The following TENM1 variants were observed in gnomAD, a reference collection of about 807,000 sequenced individuals.
TENM1 encodes teneurin-1.
A neutral mutation model predicts 174.8 loss-of-function variants in TENM1; 35 were observed. That is an observed-to-expected ratio of 0.20 (90% CI 0.15 to 0.27). The LOEUF is 0.27. Ranked by LOEUF, TENM1 falls within the 10% of genes least tolerant of loss-of-function variation. The pLI is 1.00. For synonymous variants in TENM1, 781 were observed against 798.7 expected, an observed-to-expected ratio of 0.98 and a Z score of 0.37; for missense variants, 1,633 against 2,130.1, an observed-to-expected ratio of 0.77 and a Z score of 4.59.
chrX:124,741,570 G>A (rs764460311), intron 3 of TENM1, among the ~76,000 whole-genome samples: 1 of 112,005 alleles, frequency 8.9e-6, no homozygotes, highest in South Asian at 3.7e-4. Flanking sequence ...TGACAGCATA[G>A]TTTGTCATAT....
At chrX:124,936,308 A>G (rs1454469423) in intron 1 of TENM1, among the ~76,000 whole-genome samples, 1 of 111,334 alleles carries the variant, frequency 9.0e-6, no homozygotes, top group Non-Finnish European at 1.9e-5. Context: ...TAGTCTTTGG[A>G]CATGCTGTTT....
intron 25 of TENM1, among the ~76,000 whole-genome samples, chrX:124,412,798 G>T (rs758036663): frequency 3.5e-5 from 4 of 112,766 alleles, no homozygotes; most frequent in Non-Finnish European, 7.5e-5. Flanking sequence ...GGGCAGATAA[G>T]ATATGCACAC....
intron 3 of TENM1, among the ~76,000 whole-genome samples, chrX:124,845,390 A>G (rs1219531995): frequency 9.0e-6 from 1 of 111,661 alleles, no homozygotes; most frequent in Non-Finnish European, 1.9e-5. Flanking sequence ...AAGGTCTCAG[A>G]TGATACAGAT....
chrX:124,421,275 TACA>T (rs1362310765), intron 24 of TENM1, among the ~76,000 whole-genome samples: 4 of 112,297 alleles, frequency 3.6e-5, no homozygotes, highest in African/African-American at 6.5e-5. Flanking sequence ...AGTCTATAAG[TACA>T]ACAATGATTC....
At chrX:124,496,168 T>C (rs7471645) in intron 20 of TENM1, among the ~76,000 whole-genome samples, 9,458 of 110,459 alleles carry the variant, frequency 0.086, 523 homozygotes, top group African/African-American at 0.21. Context: ...GCTAGCCATA[T>C]GTAGAAAGCT....
At chrX:124,477,696 G>A (rs1204946952) in intron 22 of TENM1, among the ~76,000 whole-genome samples, 2 of 104,238 alleles carry the variant, frequency 1.9e-5, no homozygotes, top group African/African-American at 3.5e-5. Context: ...AGGTTGCAGT[G>A]ACCCATGATC....
chrX:125,187,133 T>C, the TENM1 span, among the ~76,000 whole-genome samples: 1 of 111,778 alleles, frequency 8.9e-6, no homozygotes, highest in South Asian at 3.7e-4. Context: ...TGGTGGTGGG[T>C]GCCTGTAACC....
In TENM1 at chrX:124,827,048, TTTTG is replaced by T. The variant is rs769489171; in HGVS notation, c.535+67244_535+67247del. Reference sequence around the variant, plus strand: ...AAAACTTTTAGGCAGGTTTTTAAATTTTTGTTTGTTTGTTTTTTCTGAGACAGAG... The same window carrying T: ...AAAACTTTTAGGCAGGTTTTTAAATTTTTGTTTGTTTTTTCTGAGACAGAG... On this transcript the variant is annotated intron_variant, in intron 3 of 31. Coordinates refer to ENST00000422452, the Ensembl canonical transcript of TENM1. Among the ~76,000 whole-genome samples the T allele has an allele frequency of 5.7e-3, 638 of 111,691 alleles. 3 individuals carry two copies. Among genetic ancestry groups the T allele is most frequent in the African/African-American group, 0.019 (583 of 30,740 alleles).
intron 4 of TENM1, among the ~76,000 whole-genome samples, chrX:124,708,968 G>A (rs921765191): frequency 6.3e-5 from 7 of 111,287 alleles, no homozygotes; most frequent in Admixed American, 1.9e-4. Context: ...CTCCAAGTTA[G>A]GCACTTTGTC....
intron 19 of TENM1, among the ~76,000 whole-genome samples, chrX:124,501,060 T>C (rs1468080997): frequency 1.8e-5 from 2 of 111,371 alleles, no homozygotes; most frequent in Non-Finnish European, 3.8e-5. Context: ...CTTAGTGCCC[T>C]AGATTGTTCT....
At chrX:124,639,752 A>G (rs1166232927) in intron 11 of TENM1, among the ~76,000 whole-genome samples, 1 of 111,709 alleles carries the variant, frequency 9.0e-6, no homozygotes, top group East Asian at 2.8e-4. Context: ...TGTGTTTGCT[A>G]CAATAATAAT....
At chrX:125,085,250 C>A in the TENM1 span, among the ~76,000 whole-genome samples, 1 of 110,377 alleles carries the variant, frequency 9.1e-6, no homozygotes, top group Non-Finnish European at 1.9e-5. Flanking sequence ...GTTTTAAATA[C>A]CTGCCCATTA....
At chrX:124,421,286 T>C (rs1164022677) in intron 24 of TENM1, among the ~76,000 whole-genome samples, 1 of 112,317 alleles carries the variant, frequency 8.9e-6, no homozygotes, top group African/African-American at 3.2e-5. Context: ...ACAACAATGA[T>C]TCAGAACATC....
At chrX:125,122,773 CATTT>C in the TENM1 span, among the ~76,000 whole-genome samples, 4 of 110,976 alleles carry the variant, frequency 3.6e-5, no homozygotes, top group African/African-American at 1.3e-4. Flanking sequence ...TGATAGTCAG[CATTT>C]ATTTATTTGG....
intron 4 of TENM1, among the ~76,000 whole-genome samples, chrX:124,706,605 A>T (rs2052911851): frequency 8.9e-6 from 1 of 112,343 alleles, no homozygotes; most frequent in African/African-American, 3.2e-5. Flanking sequence ...TTGAGTGTTC[A>T]TGACTATTGT....
intron 11 of TENM1, among the ~76,000 whole-genome samples, chrX:124,601,856 T>C (rs989396273): frequency 9.0e-6 from 1 of 111,157 alleles, no homozygotes; most frequent in Non-Finnish European, 1.9e-5. Context: ...ATAGACCATT[T>C]GTATTGGAAC....
chrX:124,823,903 A>G (rs973764661), intron 3 of TENM1, among the ~76,000 whole-genome samples: 2 of 111,652 alleles, frequency 1.8e-5, no homozygotes, highest in Non-Finnish European at 3.8e-5. Flanking sequence ...TCAAGAAATT[A>G]TGATCATCAC....
intron 18 of TENM1, among the ~76,000 whole-genome samples, chrX:124,511,427 G>A (rs954335065): frequency 9.0e-6 from 1 of 111,419 alleles, no homozygotes; most frequent in Non-Finnish European, 1.9e-5. Flanking sequence ...AACCACTGGG[G>A]CATTGAATTG....
chrX:125,201,539 A>G, the TENM1 span, among the ~76,000 whole-genome samples: 1 of 111,994 alleles, frequency 8.9e-6, no homozygotes, highest in African/African-American at 3.2e-5. Context: ...TCTGCTATGT[A>G]TAGCTGACAT....
Sources: gnomAD v4.1 joint callset for allele counts (sites outside exome capture counted in the v4.1 genomes callset) on GRCh38, gnomAD v4.1.1 for gene constraint, MANE v1.5 for transcripts, NCBI Gene and HGNC (gene_info 2026-07-23, HGNC 2026-07-21) for gene names.